The following ACAD10 variants were observed in gnomAD, a reference collection of about 807,000 sequenced individuals.
ACAD10 encodes the protein ACAD-10.
In ACAD10, 112 loss-of-function variants were observed where a neutral mutation model predicts 116.8. The ratio of observed to expected loss-of-function variants is 0.96; its 90% confidence interval spans 0.82 to 1.12. The LOEUF is 1.12. Among genes scored for constraint, ACAD10 ranks in the 50% most tolerant of loss-of-function variants. The pLI is 0.00. For missense variants in ACAD10, 1,259 were observed against 1,350.2 expected (o/e 0.93, Z 1.06); for synonymous variants, 486 against 510.6 (o/e 0.95, Z 0.65).
chr12:111,728,984 A>C (rs1489330175), intron 9 of ACAD10, among the ~76,000 whole-genome samples: 2 of 152,118 alleles, frequency 1.3e-5, no homozygotes, highest in African/African-American at 4.8e-5. Flanking sequence ...GCCAGCCCTC[A>C]TGTAGTTCTT....
chr12:111,756,328 G>T lies in ACAD10; in HGVS notation c.3040-5G>T. 2 of 1,595,592 alleles carry T rather than the reference G, an allele frequency of 1.3e-6. No homozygotes were observed. Among genetic ancestry groups the T allele is most frequent in the Non-Finnish European group, 8.5e-7 (1 of 1,173,494 alleles). On this transcript the variant is annotated splice_region_variant and splice_polypyrimidine_tract_variant and intron_variant, in intron 20 of 20. Coordinates refer to ENST00000313698, the MANE Select transcript of ACAD10 (RefSeq NM_025247.6). ...GGCCGCCTCCCTCCACTCTGTGTCT[G>T]CCAGGCCTTTGGAGCAGCAGGCCTG...
Position 111,745,063 on chromosome 12 carries a change from G to C in ACAD10, c.2115+20G>C, listed in dbSNP as rs993551484. ...CTCAAGGTAAAGCAGCCATGGTGAG[G>C]TGGTAAGACCCCAATACCATGGCAT... On this transcript the variant is annotated intron_variant, in intron 13 of 20. Coordinates refer to ENST00000313698, the MANE Select transcript of ACAD10 (RefSeq NM_025247.6). The C allele has an allele frequency of 2.5e-6, 4 of 1,604,688 alleles. No homozygotes were observed. Among genetic ancestry groups the C allele is most frequent in the Non-Finnish European group, 3.4e-6 (4 of 1,176,340 alleles).
chr12:111,737,648 G>C (rs999666995), intron 12 of ACAD10, among the ~76,000 whole-genome samples: 2 of 152,112 alleles, frequency 1.3e-5, no homozygotes, highest in African/African-American at 4.8e-5. Flanking sequence ...AAATGTTACT[G>C]TTAAGAGTTT....
At position 111,748,782 on chromosome 12, in the gene ACAD10, A is replaced by G. The variant is rs1272782301; in HGVS notation, c.2644+307A>G. 7.4e-6 allele frequency: 4 copies of G among 543,768 alleles called. No individual in the cohort carries two copies. The East Asian group carries it at 1.1e-4, about 15-fold the overall frequency. 33.7% of individuals were successfully genotyped at this position (543,768 alleles called of 1,614,324 possible). ...CCCCAAACCTACTCTTCCAGGCCCC[A>G]GTGTGAACAGCTGACCTCTAGGCCA... On this transcript the variant is annotated intron_variant, in intron 17 of 20. Coordinates refer to ENST00000313698, the MANE Select transcript of ACAD10 (RefSeq NM_025247.6).
At chr12:111,724,792 G>C (rs970566205) in intron 8 of ACAD10, among the ~76,000 whole-genome samples, 2 of 150,900 alleles carry the variant, frequency 1.3e-5, no homozygotes, top group African/African-American at 4.9e-5. Flanking sequence ...TGGAAAGAGA[G>C]GGAGGGGAGA....
chr12:111,754,699 G>A (rs1389957844), intron 19 of ACAD10, among the ~76,000 whole-genome samples: 1 of 152,186 alleles, frequency 6.6e-6, no homozygotes, highest in Non-Finnish European at 1.5e-5. Context: ...TGTCTCCCTT[G>A]AACACCCTGC....
rs1264665015 is a variant in ACAD10, at chr12:111,747,197, T to C, written c.2394+11T>C. The C allele has an allele frequency of 1.6e-5, 25 of 1,608,238 alleles. No homozygotes were observed. The highest frequency in any genetic ancestry group is 1.8e-5 in the Non-Finnish European group (21 of 1,175,438). On this transcript the variant is annotated intron_variant, in intron 15 of 20. Coordinates refer to ENST00000313698, the MANE Select transcript of ACAD10 (RefSeq NM_025247.6). The stretch of plus-strand genomic sequence containing the variant: ...ATGACCGAGCCCCAGGTACGTCGCC[T>C]GGGCTGCCACCCACTTGCCTGGCCC...
chr12:111,714,245 C>CAA (rs1318832988), intron 6 of ACAD10, among the ~76,000 whole-genome samples: 5 of 93,622 alleles, frequency 5.3e-5, no homozygotes, highest in Admixed American at 1.1e-4. Flanking sequence ...GCTCTGTCTC[C>CAA]AAAAAAAAAA....
intron 8 of ACAD10, among the ~76,000 whole-genome samples, chr12:111,727,717 G>T (rs1420372347): frequency 1.3e-5 from 2 of 152,140 alleles, no homozygotes; most frequent in Non-Finnish European, 2.9e-5. Context: ...GTGCATGTGT[G>T]TGTGTGCACG....
chr12:111,721,906 C>G (rs568432514), intron 8 of ACAD10, 167 bp downstream of exon 8: 1 of 475,588 alleles, frequency 2.1e-6, no homozygotes, highest in East Asian at 3.1e-5. Flanking sequence ...AGTTATCCTG[C>G]AAGATAAGTA....
At chr12:111,693,117 G>C in intron 2 of ACAD10, 1 of 558,578 alleles carries the variant, frequency 1.8e-6, no homozygotes, top group Non-Finnish European at 3.2e-6. Flanking sequence ...ATGAGCTAAT[G>C]GTAGTGCCTT....
chr12:111,748,468 T>C lies in ACAD10; in HGVS notation c.2637T>C (p.Asp879=), dbSNP rs1428154646. Residue 879 remains aspartate, a synonymous_variant, in exon 17 of 21, where the codon GAT becomes GAC. Transcript: ENST00000313698. The part of the protein sequence containing the change: ...IRPLTVYGLE[D]APGGHGEVRF... ...CTCTGACGGTGTATGGACTGGAAGA[T>C]GCACCAGGTGAGACCTCCAGGGGCG... 2 of 1,613,258 alleles carry C rather than the reference T, an allele frequency of 1.2e-6. No homozygotes were observed. Among genetic ancestry groups the C allele is most frequent in the Admixed American group, 1.7e-5 (1 of 60,014 alleles).
At chr12:111,690,297 A>G (rs1026581731) in intron 1 of ACAD10, among the ~76,000 whole-genome samples, 3 of 152,178 alleles carry the variant, frequency 2.0e-5, no homozygotes, top group African/African-American at 7.2e-5. Flanking sequence ...TATGTTTCAT[A>G]TATATCTTAT....
At position 111,712,537 on chromosome 12, in the gene ACAD10, C is replaced by T; in HGVS notation, c.730C>T (p.Leu244Phe). Reference protein sequence around the residue: ...PETAVKELEALLGFTLRVGVP... With the variant: ...PETAVKELEAFLGFTLRVGVP... Reference sequence around the variant, plus strand: ...GACTGCAGTAAAGGAATTAGAAGCTCTCTTGGGTTTTACATTGAGAGTAGG... The same window carrying T: ...GACTGCAGTAAAGGAATTAGAAGCTTTCTTGGGTTTTACATTGAGAGTAGG... The change falls in exon 6 of 21, where the codon CTC becomes TTC. Residue 244 changes from leucine to phenylalanine, a missense_variant. Transcript: ENST00000313698. 6.2e-7 allele frequency: 1 copy of T among 1,614,126 alleles called. No individual in the cohort carries two copies. The highest frequency in any genetic ancestry group is 1.1e-5 in the South Asian group (1 of 91,084).
intron 10 of ACAD10, among the ~76,000 whole-genome samples, chr12:111,733,083 G>A (rs1342205653): frequency 6.6e-6 from 1 of 152,058 alleles, no homozygotes. Context: ...GGCAACTTCT[G>A]GGTAACTGGA....
intron 1 of ACAD10, 103 bp downstream of exon 1, chr12:111,686,342 AC>A (rs1887848320): frequency 6.6e-6 from 1 of 152,380 alleles, no homozygotes; most frequent in African/African-American, 2.4e-5. Flanking sequence ...TTTCTGTCCC[AC>A]TTTACAGATA....
intron 14 of ACAD10, among the ~76,000 whole-genome samples, chr12:111,746,515 G>A (rs1224199373): frequency 2.0e-5 from 3 of 152,154 alleles, no homozygotes; most frequent in Middle Eastern, 3.4e-3. Context: ...AGCTTCCCAA[G>A]TAGCTGGGAC....
intron 1 of ACAD10, among the ~76,000 whole-genome samples, chr12:111,690,795 AAAAAG>A (rs1447021335): frequency 1.3e-5 from 2 of 151,774 alleles, no homozygotes; most frequent in Non-Finnish European, 2.9e-5. Flanking sequence ...AAAAAAAAAA[AAAAAG>A]AGTTTCTGAT....
chr12:111,722,541 A>G (rs1028030330), intron 8 of ACAD10, among the ~76,000 whole-genome samples: 2 of 151,900 alleles, frequency 1.3e-5, no homozygotes, highest in Non-Finnish European at 2.9e-5. Flanking sequence ...GGCCTTCCGC[A>G]GTGTTTGTGT....
Sources: gnomAD v4.1 joint callset for allele counts (sites outside exome capture counted in the v4.1 genomes callset) on GRCh38, gnomAD v4.1.1 for gene constraint, MANE v1.5 for transcripts, NCBI Gene and HGNC (gene_info 2026-07-23, HGNC 2026-07-21) for gene names.